GNAS: variants seen among roughly 807,000 people sequenced by gnomAD.
GNAS encodes the protein GNAS complex locus, also known as protein ALEX.
In GNAS, 8 loss-of-function variants were observed where a neutral mutation model predicts 54.5. The ratio of observed to expected loss-of-function variants is 0.15; its 90% CI spans 0.09 to 0.26. The LOEUF (loss-of-function observed/expected upper bound fraction) is 0.26. Ranked by LOEUF, GNAS falls within the 10% of genes least tolerant of loss-of-function variation. The pLI is 1.00. For missense variants in GNAS, 170 were observed against 529.8 expected (o/e 0.32, Z 6.67); for synonymous variants, 204 against 191.4 (o/e 1.07, Z -0.54).
At position 58,873,904 on chromosome 20, in the gene GNAS, C is replaced by T. The variant is rs2087625113; in HGVS notation, c.44-21708C>T. 6.6e-6 allele frequency among the ~76,000 whole-genome samples: 1 copy of T among 152,192 alleles called. No homozygotes were observed. The highest frequency in any genetic ancestry group is 1.5e-5 in the Non-Finnish European group (1 of 68,038). ...GGAAAGATTGTCAACCAAAAGACTT[C>T]AACAACCTGCTAAGAGTCTTCCAGC... On this transcript the variant is annotated intron_variant, in intron 1 of 12. Coordinates refer to the GNAS transcript ENST00000306090. This position sits in a 1 kb window ranked among gnomAD's most constrained non-coding sequence, Gnocchi z 4.3.
intron 1 of GNAS, among the ~76,000 whole-genome samples, chr20:58,871,911 G>A (rs73129576): frequency 0.051 from 7,697 of 152,268 alleles, 229 homozygotes; most frequent in South Asian, 0.098. Context: ...GGCAGGGGGT[G>A]GAGCGCTGCC....
At chr20:58,871,044 AC>A (rs1243365735) in intron 1 of GNAS, among the ~76,000 whole-genome samples, 16 of 152,160 alleles carry the variant, frequency 1.1e-4, no homozygotes, top group African/African-American at 3.9e-4. Context: ...CCACAAACAC[AC>A]ACTACAGGAC....
Position 58,841,217 on chromosome 20 carries a change from C to T in GNAS, c.43+331C>T, listed in dbSNP as rs2085708720. ...GATTTGGAGCTGCACACCCAAACGG[C>T]ATTGGTAAGTCACTTGTTTTGCGCG... On this transcript the variant is annotated intron_variant, in intron 1 of 12. Transcript: ENST00000306090. This position sits in a 1 kb window ranked among gnomAD's most constrained non-coding sequence, Gnocchi z 5.0. The T allele has an allele frequency of 3.0e-6, 2 of 677,542 alleles. No homozygotes were observed. The highest frequency in any genetic ancestry group is 2.7e-5 in the South Asian group (1 of 37,096). 42.0% of individuals were successfully genotyped at this position (677,542 alleles called of 1,614,324 possible).
rs757498207 is a variant in GNAS at position 58,903,704 on chromosome 20, C to A, written c.345C>A (p.Pro115=). 1.2e-6 allele frequency: 2 copies of A among 1,613,764 alleles called. No individual in the cohort carries two copies. Among genetic ancestry groups the A allele is most frequent in the Non-Finnish European group, 1.7e-6 (2 of 1,179,870 alleles). The change falls in exon 5 of 13, where the codon CCC becomes CCA. Residue 115 remains proline, a synonymous_variant. Transcript: ENST00000371085. The stretch of plus-strand genomic sequence containing the variant: ...TGGCCGCCATGAGCAACCTGGTGCC[C>A]CCCGTGGAGCTGGCCAACCCCGAGA... ...TIVAAMSNLV[P]PVELANPENQ... is the part of the protein sequence containing the mutation.
At chr20:58,880,038 ATC>A (rs751856108) in intron 1 of GNAS, among the ~76,000 whole-genome samples, 4 of 151,654 alleles carry the variant, frequency 2.6e-5, no homozygotes, top group South Asian at 2.1e-4. Flanking sequence ...AGACTAGATA[ATC>A]TCTCTCTCTC....
At chr20:58,888,953 C>CGCCCCCCGCCATCGCG (rs2088812287), upstream of GNAS, 1 of 419,986 alleles carries the variant, frequency 2.4e-6, no homozygotes, top group Admixed American at 6.5e-5. Context: ...GGCGCGCCCG[C>CGCCCCCCGCCATCGCG]GCCCCCCGCC....
In GNAS at chr20:58,898,925, A is replaced by AT; in HGVS notation, c.213-16_213-15insT. On this transcript the variant is annotated splice_polypyrimidine_tract_variant and intron_variant, in intron 2 of 12. Transcript: ENST00000371085. ...TGCCTTGCAGATTAGGTGAGCTTTC[A>AT]ATCTCTCTTTAAAAGGGGCGGCGAA... The AT allele has an allele frequency of 6.2e-7, 1 of 1,611,910 alleles. No homozygotes were observed. The highest frequency in any genetic ancestry group is 8.5e-7 in the Non-Finnish European group (1 of 1,177,992).
intron 1 of GNAS, among the ~76,000 whole-genome samples, chr20:58,844,755 G>A (rs1432106346): frequency 6.6e-6 from 1 of 151,130 alleles, no homozygotes; most frequent in Non-Finnish European, 1.5e-5. Flanking sequence ...TAGGTATCGC[G>A]CCATTGCACT....
At chr20:58,896,067 C>G (rs1200184321) in intron 2 of GNAS, among the ~76,000 whole-genome samples, 1 of 152,166 alleles carries the variant, frequency 6.6e-6, no homozygotes, top group Non-Finnish European at 1.5e-5. Flanking sequence ...CCCCCTCGTC[C>G]GGCCCACGCT....
At chr20:58,890,167 A>T (rs1386254602), upstream of GNAS, among the ~76,000 whole-genome samples, 1 of 151,798 alleles carries the variant, frequency 6.6e-6, no homozygotes, top group East Asian at 1.9e-4. Flanking sequence ...AAGAAGAAGG[A>T]GAAGGAGAGG....
intron 1 of GNAS, among the ~76,000 whole-genome samples, chr20:58,882,506 G>A (rs961153053): frequency 2.0e-4 from 31 of 152,186 alleles, no homozygotes; most frequent in African/African-American, 7.5e-4. Flanking sequence ...GAAAAAATTT[G>A]AGTTAGGCAT....
chr20:58,840,546 C>A (rs1386429254), upstream of GNAS: 4 of 1,613,318 alleles, frequency 2.5e-6, no homozygotes, highest in Admixed American at 1.7e-5. The surrounding 1 kb of genome is among the most constrained non-coding windows in gnomAD (Gnocchi z 6.0). Context: ...GATCGCGGCC[C>A]GGTGGTGCCC....
intron 3 of GNAS, among the ~76,000 whole-genome samples, chr20:58,901,279 G>T (rs1025517489): frequency 6.6e-6 from 1 of 152,096 alleles, no homozygotes; most frequent in African/African-American, 2.4e-5. Context: ...CTAAATAATC[G>T]ATGTTAGACT....
chr20:58,884,217 T>G (rs1239508096), intron 1 of GNAS, among the ~76,000 whole-genome samples: 1 of 152,218 alleles, frequency 6.6e-6, no homozygotes, highest in Non-Finnish European at 1.5e-5. Context: ...GATGTAAAAC[T>G]TCTATTTAGC....
chr20:58,854,250 C>G, intron 1 of GNAS: 1 of 1,613,276 alleles, frequency 6.2e-7, no homozygotes, highest in Non-Finnish European at 8.5e-7. Flanking sequence ...GGACAGCCCC[C>G]CAATCGCGCT....
chr20:58,841,927 G>C lies in GNAS; in HGVS notation c.43+1041G>C, dbSNP rs1417367694. On this transcript the variant is annotated intron_variant, in intron 1 of 12. Transcript: ENST00000306090. This position sits in a 1 kb window ranked among gnomAD's most constrained non-coding sequence, Gnocchi z 5.0. ...AGACGGGGGTCGCGTCTAACATCAGGATAACTTACAATTCGTTTCCAAAGA... is the reference window on the plus strand; with the variant it reads ...AGACGGGGGTCGCGTCTAACATCAGCATAACTTACAATTCGTTTCCAAAGA... 47 of 1,207,858 alleles carry C rather than the reference G, an allele frequency of 3.9e-5. No homozygotes were observed. Among genetic ancestry groups the C allele is most frequent in the Middle Eastern group, 3.1e-4 (1 of 3,198 alleles). The allele number at this position is 1,207,858 out of a possible 1,614,324, so 74.8% of individuals were successfully genotyped here. A position where few individuals can be genotyped will look rare whatever the true frequency, so the allele number is the denominator to read the frequency against.
upstream of GNAS, chr20:58,840,049 G>C (rs1216035832): frequency 6.3e-6 from 10 of 1,591,542 alleles, no homozygotes; most frequent in Non-Finnish European, 8.6e-6. The surrounding 1 kb of genome is among the most constrained non-coding windows in gnomAD (Gnocchi z 6.0). Flanking sequence ...AATGTGCTTC[G>C]GAGCCACTCT....
chr20:58,840,055 ACT>A (rs2085658903), upstream of GNAS: 2 of 1,597,242 alleles, frequency 1.3e-6, no homozygotes, highest in Non-Finnish European at 1.7e-6. The surrounding 1 kb of genome is among the most constrained non-coding windows in gnomAD (Gnocchi z 6.0). Context: ...CTTCGGAGCC[ACT>A]CTCTGCAGAG....
intron 1 of GNAS, among the ~76,000 whole-genome samples, chr20:58,865,287 G>A (rs1464091714): frequency 7.9e-5 from 12 of 151,316 alleles, no homozygotes; most frequent in Admixed American, 7.2e-4. Context: ...GCGTGGTGGC[G>A]GGCACCTATA....
Sources: allele counts gnomAD v4.1 joint callset (sites outside exome capture counted in the v4.1 genomes callset), GRCh38; gene constraint gnomAD v4.1.1; non-coding constraint Gnocchi (gnomAD v3.1); transcripts MANE v1.5; gene names NCBI Gene and HGNC (gene_info 2026-07-23, HGNC 2026-07-21).